Variants in KIF17 observed in about 807,000 individuals in gnomAD.
KIF17 encodes kinesin-like protein KIF17.
In KIF17, 80 loss-of-function variants were observed where a neutral mutation model predicts 96.8. The observed-to-expected ratio is 0.83, with a 90% CI of 0.69 to 1.00. KIF17 has a LOEUF of 1.00. Ranked by LOEUF, KIF17 falls within the 50% of genes least tolerant of loss-of-function variation. The probability of loss-of-function intolerance (pLI) is 0.00; values close to 1 mark genes in which losing one functional copy is unlikely to be tolerated. For missense variants in KIF17, 1,280 were observed against 1,372.9 expected (o/e 0.93, Z 1.07); for synonymous variants, 567 against 587.5 (o/e 0.97, Z 0.51).
intron 3 of KIF17, among the ~76,000 whole-genome samples, chr1:20,713,144 C>T (rs905028907): frequency 4.0e-5 from 6 of 150,724 alleles, no homozygotes; most frequent in Middle Eastern, 3.4e-3. Flanking sequence ...TGTAGGCATG[C>T]ACCACCACGC....
chr1:20,711,380 C>T (rs1264720320), intron 3 of KIF17, among the ~76,000 whole-genome samples: 1 of 152,202 alleles, frequency 6.6e-6, no homozygotes, highest in Non-Finnish European at 1.5e-5. Context: ...CCCAACCCCA[C>T]TCCACCCCCG....
At chr1:20,667,639 C>A (rs1422685291) in intron 13 of KIF17, among the ~76,000 whole-genome samples, 1 of 152,172 alleles carries the variant, frequency 6.6e-6, no homozygotes, top group Non-Finnish European at 1.5e-5. Flanking sequence ...TTTGGATCAC[C>A]AATGGCCAGC....
rs2054317522 is a variant in KIF17, at chr1:20,704,957, C to T, written c.671-58G>A. 6.7e-7 allele frequency: 1 copy of T among 1,488,834 alleles called. No homozygotes were observed. The highest frequency in any genetic ancestry group is 2.3e-5 in the East Asian group (1 of 44,096). The allele number at this position is 1,488,834 out of a possible 1,614,324, so 92.2% of individuals were successfully genotyped here. ...TCGGGTGAGCCCTATGTATCGAGGG[C>T]AATCAGTGCCAGGCACTGGGTGCTC... On this transcript the variant is annotated intron_variant, in intron 4 of 14. Coordinates refer to ENST00000400463, the MANE Select transcript of KIF17 (RefSeq NM_001122819.3). The surrounding 1 kb of genome is among the most constrained non-coding windows in gnomAD (Gnocchi z 6.8).
chr1:20,666,264 C>A lies in KIF17; in HGVS notation c.2858G>T (p.Arg953Leu). The A allele has an allele frequency of 6.2e-7, 1 of 1,614,180 alleles. No individual in the cohort carries two copies. Among genetic ancestry groups the A allele is most frequent in the Non-Finnish European group, 8.5e-7 (1 of 1,180,016 alleles). ...NSENIASNYF[R>L]SKRASQILST... ...GAGGATCTGGCTGGCCCGCTTAGAT[C>A]GGAAGTAGTTGCTGGCAATGTTTTC... Residue 953 changes from arginine to leucine, a missense_variant, in exon 14 of 15, where the codon CGA becomes CTA. Physicochemically the swap from Arg to Leu is moderately radical, Grantham distance 102. Transcript: ENST00000400463.
Position 20,713,307 on chromosome 1 carries a change from T to A in KIF17, c.480+147A>T, listed in dbSNP as rs1184357427. The stretch of plus-strand genomic sequence containing the variant: ...CACTGCACCTGCCTAAAAAAGTTTT[T>A]TTTAATTAAAAAAAAAAAAAAAAGT... On this transcript the variant is annotated intron_variant, in intron 3 of 14. Transcript: ENST00000400463. The A allele has an allele frequency of 6.3e-5, 40 of 630,562 alleles. No individual in the cohort carries two copies. The East Asian group carries it at 1.1e-3, about 17-fold the overall frequency. The allele number at this position is 630,562 out of a possible 1,614,324, so 39.1% of individuals were successfully genotyped here.
intron 11 of KIF17, among the ~76,000 whole-genome samples, chr1:20,677,002 G>A (rs1341345464): frequency 6.6e-6 from 1 of 152,024 alleles, no homozygotes; most frequent in Admixed American, 6.6e-5. Flanking sequence ...CTTGAGCCCA[G>A]GAGTTTGGGA....
chr1:20,667,034 C>A (rs1211140185), intron 13 of KIF17, among the ~76,000 whole-genome samples: 1 of 152,166 alleles, frequency 6.6e-6, no homozygotes, highest in Non-Finnish European at 1.5e-5. Flanking sequence ...CAATCAGAAT[C>A]TCTCCCCAAG....
At chr1:20,702,385 G>A (rs1474542940) in intron 5 of KIF17, among the ~76,000 whole-genome samples, 3 of 152,210 alleles carry the variant, frequency 2.0e-5, no homozygotes, top group Non-Finnish European at 4.4e-5. Context: ...CTGCACAGGT[G>A]TTAGCTGCTG....
intron 10 of KIF17, among the ~76,000 whole-genome samples, chr1:20,684,603 T>C (rs1202267787): frequency 1.3e-5 from 2 of 152,152 alleles, no homozygotes; most frequent in Admixed American, 6.5e-5. Context: ...CCAGCAGGCC[T>C]GACAAGGGAT....
Position 20,664,383 on chromosome 1 carries a change from A to T in KIF17, c.*201T>A. 2 of 1,471,406 alleles carry T rather than the reference A, an allele frequency of 1.4e-6. No individual in the cohort carries two copies. The highest frequency in any genetic ancestry group is 2.7e-5 in the South Asian group (2 of 72,784). The allele number at this position is 1,471,406 out of a possible 1,614,324, so 91.1% of individuals were successfully genotyped here. A position where few individuals can be genotyped will look rare whatever the true frequency, so the allele number is the denominator to read the frequency against. On this transcript the variant is annotated 3_prime_UTR_variant, in exon 15 of 15. Coordinates refer to ENST00000400463, the MANE Select transcript of KIF17 (RefSeq NM_001122819.3). Reference sequence around the variant, plus strand: ...AGCAGGCCTCTCTAAGGAGGACTATACAGCCTCCGAGGGGCTCCTGCCCAG... The same window carrying T: ...AGCAGGCCTCTCTAAGGAGGACTATTCAGCCTCCGAGGGGCTCCTGCCCAG...
At chr1:20,707,007 G>A (rs1324484285) in intron 4 of KIF17, among the ~76,000 whole-genome samples, 1 of 152,144 alleles carries the variant, frequency 6.6e-6, no homozygotes, top group Non-Finnish European at 1.5e-5. Flanking sequence ...GAGGTGGGAG[G>A]GATGCTTGAG....
At position 20,684,831 on chromosome 1, in the gene KIF17, C is replaced by T. The variant is rs1467247107; in HGVS notation, c.2209G>A (p.Asp737Asn). The T allele has an allele frequency of 1.3e-6, 2 of 1,587,678 alleles. No individual in the cohort carries two copies. Among genetic ancestry groups the T allele is most frequent in the African/African-American group, 2.7e-5 (2 of 74,258 alleles). Residue 737 changes from aspartate (D) to asparagine (N), a missense_variant, in exon 10 of 15, where the codon GAC becomes AAC. Physicochemically the swap from Asp to Asn is conservative, Grantham distance 23. Coordinates refer to ENST00000400463, the MANE Select transcript of KIF17 (RefSeq NM_001122819.3). ...TACCGGGCCAGCACCTGCTGCTGGT[C>T]CACAACGGGCAGCGGGTCATCAGTC... ...VLTDDPLPVV[D>N]QQQVLARLQL...
At chr1:20,682,061 TCTTA>T (rs781402840) in intron 11 of KIF17, among the ~76,000 whole-genome samples, 4 of 152,236 alleles carry the variant, frequency 2.6e-5, no homozygotes, top group Admixed American at 6.5e-5. Context: ...CTCAATATTC[TCTTA>T]CTTATTTCTC....
At position 20,687,650 on chromosome 1, in the gene KIF17, G is replaced by C. The variant is rs201867180; in HGVS notation, c.1676C>G (p.Pro559Arg). ...GGGCATGGAGACCTCCACGTTGGAG[G>C]GCTCCTCAGGCCCAGGGAAAGCCTC... ...VSEAFPGPEE[P>R]SNVEVSMPTE... The change falls in exon 8 of 15, where the codon CCC becomes CGC. Residue 559 changes from proline to arginine, a missense_variant. By Grantham distance (103) the Pro-to-Arg change is moderately radical. Transcript: ENST00000400463. The surrounding 1 kb of genome is among the most constrained non-coding windows in gnomAD (Gnocchi z 4.4). The C allele has an allele frequency of 6.2e-7, 1 of 1,614,088 alleles. No homozygotes were observed. The highest frequency in any genetic ancestry group is 8.5e-7 in the Non-Finnish European group (1 of 1,180,044).
chr1:20,717,284 CCCGGAGGCGACAT>C lies in KIF17; in HGVS notation c.231+179_231+191del. On this transcript the variant is annotated intron_variant, in intron 1 of 14. Transcript: ENST00000400463. Reference sequence around the variant, plus strand: ...GCGGAGACGCTGGGGATAGTGCAGACCCGGAGGCGACATTAGAGGCAGGCTCTGGTTGTGTCCC... The same window carrying C: ...GCGGAGACGCTGGGGATAGTGCAGACTAGAGGCAGGCTCTGGTTGTGTCCC... The C allele has an allele frequency of 3.1e-5, 19 of 621,972 alleles. No homozygotes were observed. In the South Asian group the frequency reaches 3.7e-4, roughly 12 times the overall value. 38.5% of individuals were successfully genotyped at this position (621,972 alleles called of 1,614,324 possible). A position where few individuals can be genotyped will look rare whatever the true frequency, so the allele number is the denominator to read the frequency against.
chr1:20,717,420 T>C (rs604659), intron 1 of KIF17, 56 bp downstream of exon 1: 1,035,496 of 1,594,154 alleles, frequency 0.65, 338,749 homozygotes, highest in East Asian at 0.84. Context: ...CCCTGGGGAC[T>C]CTCGGGGCGG....
chr1:20,670,871 G>A lies in KIF17; in HGVS notation c.2723-383C>T, dbSNP rs72978886. On this transcript the variant is annotated intron_variant, in intron 12 of 14. Coordinates refer to ENST00000400463, the MANE Select transcript of KIF17 (RefSeq NM_001122819.3). Reference sequence around the variant, plus strand: ...CGCTGAGCAAGAGGGAGGACTCCTGGGGGGCACTGCGGGCTCCCCAAATGG... The same window carrying A: ...CGCTGAGCAAGAGGGAGGACTCCTGAGGGGCACTGCGGGCTCCCCAAATGG... 6.8e-3 allele frequency among the ~76,000 whole-genome samples: 1,032 copies of A among 152,294 alleles called. 15 individuals are homozygous for A. The highest frequency in any genetic ancestry group is 0.022 in the African/African-American group (920 of 41,558).
intron 11 of KIF17, among the ~76,000 whole-genome samples, chr1:20,681,539 C>T (rs375910813): frequency 1.3e-4 from 18 of 143,432 alleles, no homozygotes; most frequent in South Asian, 7.6e-4. Flanking sequence ...GATGCCAGGA[C>T]GGTGGTGGGG....
chr1:20,680,761 T>C (rs2053815515), intron 11 of KIF17, among the ~76,000 whole-genome samples: 1 of 151,970 alleles, frequency 6.6e-6, no homozygotes, highest in African/African-American at 2.4e-5. Context: ...GTAGACCTAA[T>C]TCAAGATATC....
Sources: gnomAD v4.1 joint callset for allele counts (sites outside exome capture counted in the v4.1 genomes callset) on GRCh38, gnomAD v4.1.1 for gene constraint, Gnocchi (gnomAD v3.1) non-coding constraint, MANE v1.5 for transcripts, NCBI Gene and HGNC (gene_info 2026-07-23, HGNC 2026-07-21) for gene names.